MGAT4C: variants seen among roughly 807,000 people sequenced by gnomAD.
MGAT4C encodes the protein MGAT4 family member C.
A neutral mutation model predicts 40.1 loss-of-function variants in MGAT4C; 19 were observed. The ratio of observed to expected loss-of-function variants is 0.47; its 90% CI spans 0.33 to 0.70. The LOEUF (loss-of-function observed/expected upper bound fraction) is 0.70. Among genes scored for constraint, MGAT4C ranks in the 30% least tolerant of loss-of-function variants. The probability of loss-of-function intolerance (pLI) is 0.02; values close to 1 mark genes in which losing one functional copy is unlikely to be tolerated. For missense variants in MGAT4C, 491 were observed against 563.2 expected (o/e 0.87, Z 1.30); for synonymous variants, 181 against 187.1 (o/e 0.97, Z 0.27).
intron 3 of MGAT4C, among the ~76,000 whole-genome samples, chr12:86,363,223 T>C (rs1349438558): frequency 6.6e-6 from 1 of 152,132 alleles, no homozygotes; most frequent in Non-Finnish European, 1.5e-5. Flanking sequence ...TATTTTAAAA[T>C]GTATGTAGAA....
At chr12:86,389,043 ATTTTATT>A (rs942557536) in intron 3 of MGAT4C, among the ~76,000 whole-genome samples, 1 of 151,866 alleles carries the variant, frequency 6.6e-6, no homozygotes, top group Non-Finnish European at 1.5e-5. Context: ...TGTAAATTTT[ATTTTATT>A]TTTTAACTTT....
chr12:86,634,160 C>A (rs186164771), intron 2 of MGAT4C, among the ~76,000 whole-genome samples: 95 of 152,154 alleles, frequency 6.2e-4, no homozygotes, highest in Admixed American at 3.8e-3. Flanking sequence ...GATTAGTAGA[C>A]TAAAAGCAGT....
chr12:86,277,631 A>C (rs934347862), intron 4 of MGAT4C, among the ~76,000 whole-genome samples: 1 of 152,154 alleles, frequency 6.6e-6, no homozygotes, highest in Non-Finnish European at 1.5e-5. Context: ...CAGTTTCCCC[A>C]ACACCATTTA....
chr12:86,769,115 C>G (rs900274992), intron 1 of MGAT4C, among the ~76,000 whole-genome samples: 1 of 152,112 alleles, frequency 6.6e-6, no homozygotes, highest in Non-Finnish European at 1.5e-5. Context: ...CTGCAACCTA[C>G]CTATCTGACA....
chr12:86,718,373 G>A (rs1565945856), intron 2 of MGAT4C, among the ~76,000 whole-genome samples: 2 of 152,132 alleles, frequency 1.3e-5, no homozygotes, highest in Admixed American at 1.3e-4. Flanking sequence ...AGTTGAGTGG[G>A]CTCAGCATGT....
intron 1 of MGAT4C, among the ~76,000 whole-genome samples, chr12:86,806,970 C>G (rs969273711): frequency 6.6e-6 from 1 of 151,196 alleles, no homozygotes; most frequent in Non-Finnish European, 1.5e-5. Context: ...CAAACCTGCA[C>G]GTTGTGCACA....
chr12:86,760,293 G>A (rs1593180147), intron 1 of MGAT4C, among the ~76,000 whole-genome samples: 1 of 151,996 alleles, frequency 6.6e-6, no homozygotes, highest in African/African-American at 2.4e-5. Context: ...AGACCTCAAT[G>A]TAAGTCTTAA....
intron 2 of MGAT4C, among the ~76,000 whole-genome samples, chr12:86,693,911 T>A (rs10858463): frequency 0.83 from 125,536 of 152,094 alleles, 52,591 homozygotes; most frequent in Middle Eastern, 0.9. Context: ...ACAAATACTG[T>A]TGTCTAAATG....
chr12:86,423,040 C>T (rs113275289), intron 3 of MGAT4C, among the ~76,000 whole-genome samples: 2 of 152,066 alleles, frequency 1.3e-5, no homozygotes, highest in Non-Finnish European at 2.9e-5. Flanking sequence ...GCTTTTTGAG[C>T]ACAGACACAA....
chr12:86,460,358 C>G (rs972695546), intron 2 of MGAT4C, among the ~76,000 whole-genome samples: 2 of 152,158 alleles, frequency 1.3e-5, no homozygotes, highest in African/African-American at 4.8e-5. Context: ...TAAGAGTATA[C>G]TGCCTAATTC....
chr12:86,442,444 A>C (rs931277663), intron 2 of MGAT4C, among the ~76,000 whole-genome samples: 8 of 151,944 alleles, frequency 5.3e-5, no homozygotes, highest in African/African-American at 1.9e-4. Flanking sequence ...AATGGTATTG[A>C]CTAAGTTTTT....
chr12:86,665,784 C>T (rs561281614), intron 2 of MGAT4C, among the ~76,000 whole-genome samples: 1 of 152,142 alleles, frequency 6.6e-6, no homozygotes, highest in East Asian at 1.9e-4. Context: ...TTAAGAGTGT[C>T]AAAAAGAGTA....
chr12:86,771,747 T>C (rs1285364956), intron 1 of MGAT4C, among the ~76,000 whole-genome samples: 2 of 150,702 alleles, frequency 1.3e-5, no homozygotes, highest in African/African-American at 2.4e-5. Context: ...TGAATATTGG[T>C]AGAATGTTAA....
At chr12:86,398,123 G>C (rs1956293048) in intron 3 of MGAT4C, among the ~76,000 whole-genome samples, 1 of 152,180 alleles carries the variant, frequency 6.6e-6, no homozygotes, top group Non-Finnish European at 1.5e-5. Context: ...TGTGAACTTG[G>C]TGTTTAAAAC....
chr12:86,179,785 G>T (rs1222910222), intron 1 of MGAT4C, among the ~76,000 whole-genome samples: 1 of 152,178 alleles, frequency 6.6e-6, no homozygotes, highest in African/African-American at 2.4e-5. Context: ...GCTGTTAAAA[G>T]CATTCCATTT....
chr12:86,747,733 G>A (rs1951173086), intron 1 of MGAT4C, among the ~76,000 whole-genome samples: 1 of 151,352 alleles, frequency 6.6e-6, no homozygotes, highest in Non-Finnish European at 1.5e-5. Context: ...ATTAAAAACT[G>A]CCAATAGTCT....
At chr12:86,671,284 G>A (rs1184299877) in intron 2 of MGAT4C, among the ~76,000 whole-genome samples, 1 of 152,098 alleles carries the variant, frequency 6.6e-6, no homozygotes, top group Non-Finnish European at 1.5e-5. Context: ...TAGCCTCAGA[G>A]TCTGTTTATA....
At chr12:86,606,365 T>C (rs1161830306) in intron 2 of MGAT4C, among the ~76,000 whole-genome samples, 2 of 152,152 alleles carry the variant, frequency 1.3e-5, no homozygotes, top group East Asian at 1.9e-4. Flanking sequence ...CGTGGATAAA[T>C]ATTTTTAACT....
chr12:86,444,713 C>T (rs983760283), intron 2 of MGAT4C, among the ~76,000 whole-genome samples: 3 of 152,106 alleles, frequency 2.0e-5, no homozygotes, highest in Admixed American at 6.6e-5. Flanking sequence ...AACAAAAATG[C>T]ATAACATAAA....
Sources: allele counts gnomAD v4.1 joint callset (sites outside exome capture counted in the v4.1 genomes callset), GRCh38; gene constraint gnomAD v4.1.1; transcripts MANE v1.5; gene names NCBI Gene and HGNC (gene_info 2026-07-23, HGNC 2026-07-21).